The following PEMT variants were observed in gnomAD, a reference collection of about 807,000 sequenced individuals.
PEMT encodes the protein phospholipid methyltransferase.
PEMT carries 23 observed loss-of-function variants against 27.4 expected under a neutral mutation model. The ratio of observed to expected loss-of-function variants is 0.84; its 90% confidence interval spans 0.60 to 1.19. The LOEUF (loss-of-function observed/expected upper bound fraction) is 1.19. PEMT is among the 50% of genes most tolerant of loss of function. The probability of loss-of-function intolerance (pLI) is 0.00; values close to 1 mark genes in which losing one functional copy is unlikely to be tolerated. For missense variants in PEMT, 307 were observed against 310.1 expected, an observed-to-expected ratio of 0.99 and a Z score of 0.07; for synonymous variants, 137 against 139.1, an observed-to-expected ratio of 0.98 and a Z score of 0.11.
At chr17:17,591,985 C>G, upstream of PEMT, 1 of 985,462 alleles carries the variant, frequency 1.0e-6, no homozygotes, top group Non-Finnish European at 1.2e-6. Context: ...CCTGCCCTTG[C>G]CTGGCGGCGG....
At chr17:17,579,567 A>C (rs1911855277) in intron 1 of PEMT, among the ~76,000 whole-genome samples, 1 of 152,170 alleles carries the variant, frequency 6.6e-6, no homozygotes, top group Non-Finnish European at 1.5e-5. Context: ...AATCCCAGCT[A>C]CTCAGGAGGC....
intron 2 of PEMT, among the ~76,000 whole-genome samples, chr17:17,574,376 G>A (rs959219405): frequency 7.0e-6 from 1 of 142,674 alleles, no homozygotes; most frequent in Non-Finnish European, 1.5e-5. Flanking sequence ...CTGGAGTACA[G>A]TGGTGCCATC....
chr17:17,586,008 G>A (rs996309536), intron 1 of PEMT, among the ~76,000 whole-genome samples: 1 of 150,960 alleles, frequency 6.6e-6, no homozygotes, highest in Non-Finnish European at 1.5e-5. Flanking sequence ...GCGTGAACCC[G>A]GGAGGTGGAG....
chr17:17,525,544 C>A (rs979668016), intron 2 of PEMT, among the ~76,000 whole-genome samples: 3 of 152,226 alleles, frequency 2.0e-5, no homozygotes, highest in Non-Finnish European at 4.4e-5. Context: ...AGCGGCGTGG[C>A]CCAGCACTCT....
chr17:17,528,997 C>G (rs1325065402), intron 2 of PEMT, among the ~76,000 whole-genome samples: 1 of 152,246 alleles, frequency 6.6e-6, no homozygotes, highest in Non-Finnish European at 1.5e-5. Flanking sequence ...CACCGCGCAT[C>G]CCAGCGGGGC....
In PEMT at chr17:17,586,216, A is replaced by AAG. The variant is rs1390670770; in HGVS notation, c.96+5314_96+5315insCT. The stretch of plus-strand genomic sequence containing the variant: ...AAGGAAGGAAAGAAAGAAAGAAAGA[A>AAG]AAAGAAAGAAAGAAAGAAAGAAAGA... On this transcript the variant is annotated intron_variant, in intron 1 of 6. Transcript: ENST00000255389. Among the ~76,000 whole-genome samples the AAG allele has an allele frequency of 8.3e-4, 66 of 79,300 alleles. 4 individuals carry two copies. Among genetic ancestry groups the AAG allele is most frequent in the African/African-American group, 2.6e-3 (49 of 18,734 alleles). The allele number at this position is 79,300 out of a possible 152,430, so 52.0% of individuals were successfully genotyped here.
At chr17:17,539,502 T>TGTCA (rs1908729528) in intron 2 of PEMT, among the ~76,000 whole-genome samples, 1 of 152,178 alleles carries the variant, frequency 6.6e-6, no homozygotes, top group Admixed American at 6.6e-5. Context: ...GCGCCCAGGG[T>TGTCA]GTCACATGTA....
At position 17,534,443 on chromosome 17, in the gene PEMT, C is replaced by T. The variant is rs541180719; in HGVS notation, c.205-12048G>A. Among the ~76,000 whole-genome samples the T allele has an allele frequency of 2.0e-5, 3 of 152,298 alleles. No homozygotes were observed. The East Asian group carries it at 5.8e-4, about 29-fold the overall frequency. On this transcript the variant is annotated intron_variant, in intron 2 of 6. Coordinates refer to ENST00000255389, the MANE Select transcript of PEMT (RefSeq NM_148172.3). Reference sequence around the variant, plus strand: ...CAGCAGCAGCCTGGGTTAGAAAGGGCAAGAGGGGCTGGGGGGATCTCAAAG... The same window carrying T: ...CAGCAGCAGCCTGGGTTAGAAAGGGTAAGAGGGGCTGGGGGGATCTCAAAG...
chr17:17,573,819 T>C (rs1200686422), intron 2 of PEMT, among the ~76,000 whole-genome samples: 1 of 152,198 alleles, frequency 6.6e-6, no homozygotes, highest in Non-Finnish European at 1.5e-5. Context: ...TCTTGCTCTG[T>C]TGCCCAGGCT....
At chr17:17,541,285 CAA>C (rs1414148773) in intron 2 of PEMT, among the ~76,000 whole-genome samples, 1 of 152,198 alleles carries the variant, frequency 6.6e-6, no homozygotes, top group Non-Finnish European at 1.5e-5. Context: ...GGTGGTGCCT[CAA>C]AGTTTCCCGA....
intron 1 of PEMT, among the ~76,000 whole-genome samples, chr17:17,590,333 C>CT (rs780689750): frequency 3.9e-5 from 6 of 152,230 alleles, no homozygotes; most frequent in Non-Finnish European, 8.8e-5. Flanking sequence ...CCTGTGCCTC[C>CT]TGGAGGGCTT....
At chr17:17,553,277 G>C (rs928313226) in intron 2 of PEMT, among the ~76,000 whole-genome samples, 4 of 152,294 alleles carry the variant, frequency 2.6e-5, no homozygotes, top group East Asian at 1.9e-4. Flanking sequence ...TGGGGAAGGC[G>C]TCCCACCTCA....
intron 2 of PEMT, among the ~76,000 whole-genome samples, chr17:17,574,381 G>GC (rs903902545): frequency 5.4e-4 from 79 of 145,606 alleles, no homozygotes; most frequent in African/African-American, 1.9e-3. Flanking sequence ...GTACAGTGGT[G>GC]CCATCTCGGC....
At chr17:17,511,082 T>C (rs1434489744) in intron 4 of PEMT, among the ~76,000 whole-genome samples, 1 of 152,188 alleles carries the variant, frequency 6.6e-6, no homozygotes, top group Non-Finnish European at 1.5e-5. Context: ...CTCAGCCCCT[T>C]GGATGGCCTT....
In PEMT at chr17:17,533,181, A is replaced by G. The variant is rs373284329; in HGVS notation, c.205-10786T>C. Among the ~76,000 whole-genome samples, 5 of 152,260 alleles carry G rather than the reference A, an allele frequency of 3.3e-5. No homozygotes were observed. The East Asian group carries it at 7.7e-4, about 23-fold the overall frequency. ...ATACAGAGCCCAGAAATAAACTTCC[A>G]CATACATGGCAAGTGATTTCCAACA... is the stretch of plus-strand genomic sequence containing the variant. On this transcript the variant is annotated intron_variant, in intron 2 of 6. Coordinates refer to ENST00000255389, the MANE Select transcript of PEMT (RefSeq NM_148172.3).
intron 3 of PEMT, chr17:17,518,011 T>C: frequency 1.0e-6 from 1 of 985,256 alleles, no homozygotes; most frequent in Non-Finnish European, 1.2e-6. Context: ...ACAGCCACAC[T>C]CCGAGGCCAG....
intron 1 of PEMT, among the ~76,000 whole-genome samples, chr17:17,580,346 G>A (rs1202496607): frequency 1.3e-5 from 2 of 152,074 alleles, no homozygotes. Context: ...GCATGGTGGC[G>A]CACGCCTATA....
intron 2 of PEMT, among the ~76,000 whole-genome samples, chr17:17,573,488 T>C (rs770527326): frequency 1.4e-5 from 2 of 145,020 alleles, no homozygotes; most frequent in African/African-American, 5.1e-5. Context: ...AAAAGAAAAA[T>C]TCAGGAAAAA....
rs564660142 is a variant in PEMT at position 17,577,750 on chromosome 17, G to A, written c.97-723C>T. On this transcript the variant is annotated intron_variant, in intron 1 of 6. Coordinates refer to ENST00000255389, the MANE Select transcript of PEMT (RefSeq NM_148172.3). ...AGCACTAGGTCGGCCGGGCGCGGTG[G>A]CTCATGCCTGTAATCCCAGCACTTT... is the stretch of plus-strand genomic sequence containing the variant. 3.7e-3 allele frequency among the ~76,000 whole-genome samples: 558 copies of A among 152,172 alleles called. 2 individuals are homozygous for A. The highest frequency in any genetic ancestry group is 6.0e-3 in the Non-Finnish European group (406 of 67,990).
Sources: allele counts gnomAD v4.1 joint callset (sites outside exome capture counted in the v4.1 genomes callset), GRCh38; gene constraint gnomAD v4.1.1; transcripts MANE v1.5; gene names NCBI Gene and HGNC (gene_info 2026-07-23, HGNC 2026-07-21).